The following PIGK variants were observed in gnomAD, a reference collection of about 807,000 sequenced individuals.
PIGK encodes GPI-anchor transamidase.
A neutral mutation model predicts 50.6 loss-of-function variants in PIGK; 42 were observed. The observed-to-expected ratio is 0.83, with a 90% confidence interval of 0.65 to 1.07. PIGK has a LOEUF of 1.07. Among genes scored for constraint, PIGK ranks in the 50% least tolerant of loss-of-function variants. PIGK has a pLI of 0.00. For synonymous variants in PIGK, 151 were observed against 156.0 expected (o/e 0.97, Z 0.24); for missense variants, 448 against 488.7 (o/e 0.92, Z 0.78).
At chr1:77,180,679 G>A (rs893933695) in intron 3 of PIGK, among the ~76,000 whole-genome samples, 5 of 149,710 alleles carry the variant, frequency 3.3e-5, no homozygotes, top group Admixed American at 1.3e-4. Context: ...TTGGTTCCGT[G>A]GGTAGGGAAA....
intron 9 of PIGK, among the ~76,000 whole-genome samples, chr1:77,141,874 C>T (rs566718976): frequency 2.0e-5 from 3 of 152,086 alleles, no homozygotes; most frequent in African/African-American, 7.2e-5. Flanking sequence ...AATCAGCTTT[C>T]TAACAAATAA....
At chr1:77,164,854 T>C (rs1489333880) in intron 5 of PIGK, among the ~76,000 whole-genome samples, 1 of 152,154 alleles carries the variant, frequency 6.6e-6, no homozygotes, top group Non-Finnish European at 1.5e-5. Context: ...GCCACAATGA[T>C]TTAGAATACT....
chr1:77,118,357 A>T (rs1452300334), intron 10 of PIGK, among the ~76,000 whole-genome samples: 1 of 151,852 alleles, frequency 6.6e-6, no homozygotes, highest in Non-Finnish European at 1.5e-5. Flanking sequence ...CTCCTGCCTC[A>T]TCCTCCTGAG....
chr1:77,182,805 T>C (rs1382203456), intron 3 of PIGK, among the ~76,000 whole-genome samples: 2 of 152,162 alleles, frequency 1.3e-5, no homozygotes, highest in Non-Finnish European at 2.9e-5. Context: ...GTGACAGTTA[T>C]GCAAAATAAA....
intron 3 of PIGK, among the ~76,000 whole-genome samples, chr1:77,174,460 T>C (rs1333224951): frequency 2.6e-5 from 4 of 152,226 alleles, no homozygotes; most frequent in Non-Finnish European, 4.4e-5. Flanking sequence ...TTCTGTTTTG[T>C]ATTGCTTTAT....
chr1:77,184,635 G>A (rs1377379031), intron 3 of PIGK, among the ~76,000 whole-genome samples: 4 of 152,192 alleles, frequency 2.6e-5, no homozygotes, highest in Admixed American at 1.3e-4. Flanking sequence ...TGGAGGACAG[G>A]TAATTAATGG....
At chr1:77,125,561 G>C (rs1439499259) in intron 9 of PIGK, among the ~76,000 whole-genome samples, 2 of 151,664 alleles carry the variant, frequency 1.3e-5, no homozygotes, top group African/African-American at 4.8e-5. Context: ...ATGCTAAATT[G>C]GTTCTATGTT....
chr1:77,121,919 T>C (rs1157167206), intron 10 of PIGK, among the ~76,000 whole-genome samples: 2 of 152,208 alleles, frequency 1.3e-5, no homozygotes, highest in African/African-American at 4.8e-5. Flanking sequence ...TCCAAAAAAT[T>C]ACTCTCAATG....
At chr1:77,159,553 A>G (rs77204208) in intron 8 of PIGK, among the ~76,000 whole-genome samples, 1,738 of 152,320 alleles carry the variant, frequency 0.011, 37 homozygotes, top group African/African-American at 0.039. Context: ...AGCAAACAGG[A>G]TGGGGGCCGT....
chr1:77,111,024 C>T (rs990263442), intron 10 of PIGK, among the ~76,000 whole-genome samples: 61 of 152,224 alleles, frequency 4.0e-4, no homozygotes, highest in African/African-American at 1.4e-3. Context: ...CATCACTGGC[C>T]ATCAGAGAAA....
intron 3 of PIGK, among the ~76,000 whole-genome samples, chr1:77,172,795 G>A (rs1399352701): frequency 6.6e-6 from 1 of 152,006 alleles, no homozygotes. Context: ...GTGATGGCAG[G>A]TGCCTGTACT....
intron 3 of PIGK, among the ~76,000 whole-genome samples, chr1:77,185,976 G>A (rs185846422): frequency 2.6e-3 from 390 of 152,306 alleles, no homozygotes; most frequent in Admixed American, 5.4e-3. Flanking sequence ...GACCTGAACC[G>A]CCTATCATGA....
In PIGK at chr1:77,176,679, A is replaced by G. The variant is rs1370961737; in HGVS notation, c.240-7284T>C. ...GAACCTGAAAAGCACTCTTGAATAC[A>G]GGTTCCTGATAACATAAGTCAAATT... is the stretch of plus-strand genomic sequence containing the variant. On this transcript the variant is annotated intron_variant, in intron 3 of 10. Coordinates refer to ENST00000370812, the MANE Select transcript of PIGK (RefSeq NM_005482.3). Among the ~76,000 whole-genome samples, 3 of 152,310 alleles carry G rather than the reference A, an allele frequency of 2.0e-5. No homozygotes were observed. The East Asian group carries it at 5.8e-4, about 29-fold the overall frequency.
At chr1:77,218,097 T>A (rs547487020) in intron 1 of PIGK, among the ~76,000 whole-genome samples, 2 of 152,324 alleles carry the variant, frequency 1.3e-5, no homozygotes, top group African/African-American at 4.8e-5. Context: ...GGGTGTGTAT[T>A]CAAAAAGTTT....
intron 6 of PIGK, among the ~76,000 whole-genome samples, chr1:77,161,975 A>T (rs535602219): frequency 7.5e-4 from 114 of 152,264 alleles, no homozygotes; most frequent in Middle Eastern, 6.8e-3. Context: ...TATAATTCAG[A>T]ATCTAAATGA....
chr1:77,104,449 G>A (rs1653619642), intron 10 of PIGK, among the ~76,000 whole-genome samples: 1 of 151,874 alleles, frequency 6.6e-6, no homozygotes, highest in Non-Finnish European at 1.5e-5. Context: ...TACATTGGAT[G>A]GAATTAACAG....
At chr1:77,191,598 A>G (rs1270258553) in intron 3 of PIGK, among the ~76,000 whole-genome samples, 3 of 152,268 alleles carry the variant, frequency 2.0e-5, no homozygotes, top group Non-Finnish European at 4.4e-5. Context: ...TTCTAGCGTC[A>G]AATGGCAAGA....
chr1:77,133,907 C>G (rs957118841), intron 9 of PIGK, among the ~76,000 whole-genome samples: 2 of 152,120 alleles, frequency 1.3e-5, no homozygotes, highest in Admixed American at 1.3e-4. Context: ...GGCATGCCAG[C>G]CTCACTGAAC....
intron 3 of PIGK, among the ~76,000 whole-genome samples, chr1:77,197,008 T>C (rs145208327): frequency 2.6e-5 from 4 of 152,124 alleles, no homozygotes; most frequent in Non-Finnish European, 5.9e-5. Flanking sequence ...CTTTTTATGA[T>C]CTTTCTAATG....
Sources: gnomAD v4.1 joint callset for allele counts (sites outside exome capture counted in the v4.1 genomes callset) on GRCh38, gnomAD v4.1.1 for gene constraint, MANE v1.5 for transcripts, NCBI Gene and HGNC (gene_info 2026-07-23, HGNC 2026-07-21) for gene names.